The following FNIP1 variants were observed in gnomAD, a reference collection of about 807,000 sequenced individuals.
FNIP1 encodes folliculin interacting protein 1.
In FNIP1, 40 loss-of-function variants were observed where a neutral mutation model predicts 124.5. The observed-to-expected ratio is 0.32, with a 90% CI of 0.25 to 0.42. The LOEUF (loss-of-function observed/expected upper bound fraction) is 0.42. FNIP1 is among the 10% of genes least tolerant of loss of function. FNIP1 has a pLI of 1.00. For synonymous variants in FNIP1, 472 were observed against 470.6 expected (o/e 1.00, Z -0.04); for missense variants, 1,176 against 1,403.7 (o/e 0.84, Z 2.59).
chr5:131,645,847 G>A (rs1766865154), intron 17 of FNIP1, among the ~76,000 whole-genome samples: 1 of 152,136 alleles, frequency 6.6e-6, no homozygotes, highest in Non-Finnish European at 1.5e-5. Flanking sequence ...TCAAGATATA[G>A]TAAAAGGCAA....
chr5:131,693,301 T>TATATATATAC (rs1408822241), intron 11 of FNIP1, among the ~76,000 whole-genome samples: 1 of 25,628 alleles, frequency 3.9e-5, no homozygotes, highest in African/African-American at 1.2e-4. Flanking sequence ...TATATACATA[T>TATATATATAC]ATATATATAT....
intron 11 of FNIP1, among the ~76,000 whole-genome samples, chr5:131,690,442 G>A (rs868190449): frequency 2.0e-5 from 3 of 151,976 alleles, no homozygotes; most frequent in African/African-American, 4.8e-5. Context: ...TCACGGAGGC[G>A]GTTTCCCCCA....
chr5:131,681,856 A>G (rs1190916555), intron 11 of FNIP1, among the ~76,000 whole-genome samples: 2 of 152,128 alleles, frequency 1.3e-5, no homozygotes, highest in African/African-American at 2.4e-5. Context: ...TGATGGTGCT[A>G]TAACAATACT....
chr5:131,723,462 G>T (rs1421736338), intron 3 of FNIP1, among the ~76,000 whole-genome samples: 2 of 152,026 alleles, frequency 1.3e-5, no homozygotes, highest in African/African-American at 2.4e-5. Context: ...TACTACTAAG[G>T]TTCTCTTTGT....
At chr5:131,663,553 A>G (rs945558800) in intron 15 of FNIP1, among the ~76,000 whole-genome samples, 1 of 152,238 alleles carries the variant, frequency 6.6e-6, no homozygotes, top group Admixed American at 6.5e-5. Flanking sequence ...AAGTAAAATG[A>G]AAATGTCTTC....
rs60742913 is a variant in FNIP1, at chr5:131,668,345, T to C, written c.3108+2118A>G. On this transcript the variant is annotated intron_variant, in intron 15 of 17. Transcript: ENST00000510461. ...AGTCAAAGAAATTACAAGCAAAATG[T>C]AAAAACATTTTGAAATGAATGAAAC... 1.9e-3 allele frequency among the ~76,000 whole-genome samples: 289 copies of C among 152,294 alleles called. 1 individual carries two copies. Among genetic ancestry groups the C allele is most frequent in the African/African-American group, 5.9e-3 (244 of 41,568 alleles).
At chr5:131,647,625 A>G (rs1766929167) in intron 16 of FNIP1, among the ~76,000 whole-genome samples, 1 of 151,878 alleles carries the variant, frequency 6.6e-6, no homozygotes, top group South Asian at 2.1e-4. Flanking sequence ...AGCCATGCGC[A>G]CCACACCCGG....
At chr5:131,668,018 A>T (rs1580739400) in intron 15 of FNIP1, among the ~76,000 whole-genome samples, 2 of 152,232 alleles carry the variant, frequency 1.3e-5, no homozygotes, top group African/African-American at 4.8e-5. Context: ...GAAGACTTCA[A>T]TACTTCATTC....
At chr5:131,657,623 C>A (rs1274089907) in intron 15 of FNIP1, among the ~76,000 whole-genome samples, 2 of 150,118 alleles carry the variant, frequency 1.3e-5, no homozygotes, top group Non-Finnish European at 3.0e-5. Context: ...GCCATGAAAG[C>A]CATCAAGCCT....
chr5:131,732,719 T>G (rs549949905), intron 2 of FNIP1, among the ~76,000 whole-genome samples: 2 of 152,332 alleles, frequency 1.3e-5, no homozygotes, highest in African/African-American at 4.8e-5. Flanking sequence ...CCATGCTGTT[T>G]TGGTTACTGT....
At chr5:131,778,377 CA>C (rs1204293968) in intron 1 of FNIP1, among the ~76,000 whole-genome samples, 1 of 151,802 alleles carries the variant, frequency 6.6e-6, no homozygotes, top group South Asian at 2.1e-4. Context: ...TTTATGCAGC[CA>C]AAAAACACAT....
At chr5:131,719,084 G>A in intron 4 of FNIP1, 24 bp from the exon 5 acceptor site, 2 of 1,606,618 alleles carry the variant, frequency 1.2e-6, no homozygotes, top group Non-Finnish European at 1.7e-6. Context: ...GAGAAAGAGA[G>A]AGACCAAAAC....
rs116762754 is a variant in FNIP1 at position 131,646,138 on chromosome 5, T to C, written c.3422+952A>G. 5.2e-3 allele frequency among the ~76,000 whole-genome samples: 785 copies of C among 152,340 alleles called. 4 individuals are homozygous for C. The highest frequency in any genetic ancestry group is 0.017 in the African/African-American group (720 of 41,576). ...TATATCCTGTTACTGATTTTCCAAATACTGGAGAACAATTCTCTCTGTATA... is the reference window on the plus strand; with the variant it reads ...TATATCCTGTTACTGATTTTCCAAACACTGGAGAACAATTCTCTCTGTATA... On this transcript the variant is annotated intron_variant, in intron 17 of 17. Transcript: ENST00000510461.
intron 2 of FNIP1, among the ~76,000 whole-genome samples, chr5:131,736,396 G>T (rs1770305806): frequency 6.6e-6 from 1 of 152,174 alleles, no homozygotes; most frequent in Admixed American, 6.5e-5. Flanking sequence ...TCTACTTATA[G>T]ACAAAACCCA....
intron 1 of FNIP1, among the ~76,000 whole-genome samples, chr5:131,781,877 G>T (rs1772007438): frequency 6.6e-6 from 1 of 152,126 alleles, no homozygotes. Flanking sequence ...ACATTTTAGG[G>T]CCAGGTGTGG....
At chr5:131,650,884 A>G (rs1421919216) in intron 16 of FNIP1, among the ~76,000 whole-genome samples, 1 of 152,236 alleles carries the variant, frequency 6.6e-6, no homozygotes, top group Non-Finnish European at 1.5e-5. Flanking sequence ...TACCAGTATT[A>G]TAAAGAGATC....
chr5:131,645,056 G>A (rs148504658), intron 17 of FNIP1, among the ~76,000 whole-genome samples: 2,505 of 152,148 alleles, frequency 0.016, 62 homozygotes, highest in Admixed American at 0.073. Flanking sequence ...GAGGTGACTC[G>A]TGCCTGTAAT....
intron 8 of FNIP1, among the ~76,000 whole-genome samples, chr5:131,707,658 G>T (rs1479336172): frequency 6.6e-6 from 1 of 152,038 alleles, no homozygotes; most frequent in Non-Finnish European, 1.5e-5. Flanking sequence ...CCAAGATTGG[G>T]TATGTACAAC....
intron 1 of FNIP1, among the ~76,000 whole-genome samples, chr5:131,760,611 A>G (rs1193725699): frequency 6.6e-6 from 1 of 152,096 alleles, no homozygotes; most frequent in Non-Finnish European, 1.5e-5. Flanking sequence ...TGAATTGGGT[A>G]ATTATCTGTA....
Sources: allele counts gnomAD v4.1 joint callset (sites outside exome capture counted in the v4.1 genomes callset), GRCh38; gene constraint gnomAD v4.1.1; transcripts MANE v1.5; gene names NCBI Gene and HGNC (gene_info 2026-07-23, HGNC 2026-07-21).